The following FBXO41 variants were observed in gnomAD, a reference collection of about 807,000 sequenced individuals.
FBXO41 encodes F-box only protein 41.
In FBXO41, 33 loss-of-function variants were observed where a neutral mutation model predicts 81.6. The observed-to-expected ratio is 0.40, with a 90% CI of 0.31 to 0.54. The LOEUF (loss-of-function observed/expected upper bound fraction) is 0.54. FBXO41 is among the 20% of genes least tolerant of loss of function. The pLI is 0.39. For synonymous variants in FBXO41, 576 were observed against 552.7 expected (o/e 1.04, Z -0.59); for missense variants, 1,107 against 1,236.0 (o/e 0.90, Z 1.56).
In FBXO41 at chr2:73,259,038, G is replaced by A. The variant is rs1687916442; in HGVS notation, c.2572C>T (p.Arg858Ter). ...EDMVTKLQALRRRPGFSKILH... is the reference protein window; with the variant it reads ...EDMVTKLQAL ...ATCTTAGAGAAGCCGGGCCTCCGTC[G>A]CAGAGCCTGCGGACCGAACCCTGGG... Residue 858 changes from arginine (R) to a stop codon, truncating the protein, a stop_gained, in exon 13 of 13, where the codon CGA (arginine) becomes TGA (stop). Coordinates refer to ENST00000520530, the MANE Select transcript of FBXO41 (RefSeq NM_001371389.2). LOFTEE classifies it high-confidence loss of function. The surrounding 1 kb of genome is among the most constrained non-coding windows in gnomAD (Gnocchi z 4.2). The A allele has an allele frequency of 2.5e-6, 4 of 1,602,230 alleles. No homozygotes were observed. The highest frequency in any genetic ancestry group is 3.4e-6 in the Non-Finnish European group (4 of 1,174,426).
At position 73,260,369 on chromosome 2, in the gene FBXO41, C is replaced by G. The variant is rs1195764720; in HGVS notation, c.2449+20G>C. 1 of 1,609,020 alleles carries G rather than the reference C, an allele frequency of 6.2e-7. No individual in the cohort carries two copies. The highest frequency in any genetic ancestry group is 8.5e-7 in the Non-Finnish European group (1 of 1,176,926). Reference sequence around the variant, plus strand: ...GGCAGGTGATAGTCGTACCCTGCCCCTCATTCCCCCAGTGCTCACTGTTGA... The same window carrying G: ...GGCAGGTGATAGTCGTACCCTGCCCGTCATTCCCCCAGTGCTCACTGTTGA... On this transcript the variant is annotated intron_variant, in intron 11 of 12. Transcript: ENST00000520530. This position sits in a 1 kb window ranked among gnomAD's most constrained non-coding sequence, Gnocchi z 5.0.
Position 73,260,743 on chromosome 2 carries a change from G to T in FBXO41, c.2287C>A (p.Leu763Ile), listed in dbSNP as rs1296917171. 1 of 1,546,606 alleles carries T rather than the reference G, an allele frequency of 6.5e-7. No homozygotes were observed. Among genetic ancestry groups the T allele is most frequent in the South Asian group, 1.2e-5 (1 of 83,656 alleles). Residue 763 changes from leucine to isoleucine, a missense_variant, in exon 10 of 13, where the codon CTC becomes ATC. By Grantham distance (5) the Leu-to-Ile change is conservative. Around this residue, in one of 2 missense-constraint regions of FBXO41, gnomAD observed 336 missense variants for 446.7 expected, o/e 0.75. Transcript: ENST00000520530. This position sits in a 1 kb window ranked among gnomAD's most constrained non-coding sequence, Gnocchi z 5.0. ...CCCAGTCCAAGGAAAGACTCACCGA[G>T]TGATGCCAGGCCCTGCACCCCACAG... ...AGCGVQGLASLARNCMRLQVL... is the reference protein window; with the variant it reads ...AGCGVQGLASIARNCMRLQVL...
chr2:73,260,959 C>T lies in FBXO41; in HGVS notation c.2172-101G>A. 1 of 932,750 alleles carries T rather than the reference C, an allele frequency of 1.1e-6. No individual in the cohort carries two copies. The highest frequency in any genetic ancestry group is 2.7e-5 in the East Asian group (1 of 37,654). 57.8% of individuals were successfully genotyped at this position (932,750 alleles called of 1,614,324 possible). On this transcript the variant is annotated intron_variant, in intron 9 of 12. Transcript: ENST00000520530. This position sits in a 1 kb window ranked among gnomAD's most constrained non-coding sequence, Gnocchi z 5.0. ...CCCTCCCTGACTCAGGCAAGCATTC[C>T]TCCAACAACCCAGCAGGTCAAGTCA...
intron 1 of FBXO41, among the ~76,000 whole-genome samples, chr2:73,270,271 T>C (rs1236837732): frequency 6.6e-6 from 1 of 152,142 alleles, no homozygotes; most frequent in Admixed American, 6.5e-5. Context: ...CTACATGGAC[T>C]AGGAAGGGGC....
At chr2:73,261,649 A>T (rs939704959) in intron 9 of FBXO41, among the ~76,000 whole-genome samples, 2 of 152,198 alleles carry the variant, frequency 1.3e-5, no homozygotes, top group African/African-American at 4.8e-5. Flanking sequence ...TCCCTTTCTT[A>T]AAATCTAAAA....
intron 2 of FBXO41, among the ~76,000 whole-genome samples, chr2:73,267,523 C>G (rs1688314262): frequency 6.6e-6 from 1 of 152,234 alleles, no homozygotes; most frequent in Non-Finnish European, 1.5e-5. Context: ...TGAACACCCT[C>G]TAGGTGCCAG....
At chr2:73,265,190 G>A (rs1057478280) in intron 5 of FBXO41, 92 bp downstream of exon 5, 120 of 1,254,392 alleles carry the variant, frequency 9.6e-5, no homozygotes, top group Non-Finnish European at 1.0e-4. Flanking sequence ...AGGAGGGGTG[G>A]GCAAGTCTGG....
intron 1 of FBXO41, among the ~76,000 whole-genome samples, chr2:73,278,266 T>C (rs1688751027): frequency 6.6e-6 from 1 of 152,222 alleles, no homozygotes; most frequent in Non-Finnish European, 1.5e-5. Flanking sequence ...ACCACATCTG[T>C]GAGGACCTAG....
At chr2:73,278,564 G>A (rs1206666773) in intron 1 of FBXO41, among the ~76,000 whole-genome samples, 1 of 152,236 alleles carries the variant, frequency 6.6e-6, no homozygotes, top group African/African-American at 2.4e-5. Context: ...CAAACAGTTT[G>A]TTGTCTCCCA....
chr2:73,264,239 G>C, intron 6 of FBXO41, 39 bp downstream of exon 6: 1 of 1,611,958 alleles, frequency 6.2e-7, no homozygotes, highest in Non-Finnish European at 8.5e-7. Context: ...GGAAAGGTGG[G>C]TTCACAGCAG....
chr2:73,264,605 T>C, intron 5 of FBXO41, 86 bp from the exon 6 acceptor site: 1 of 1,563,264 alleles, frequency 6.4e-7, no homozygotes. Context: ...CAGGGTAGGA[T>C]CTGCAGAGGA....
Position 73,284,228 on chromosome 2 carries a change from C to T in FBXO41, c.-207G>A, listed in dbSNP as rs1002645858. 6.6e-6 allele frequency: 1 copy of T among 152,214 alleles called. No individual in the cohort carries two copies. Among genetic ancestry groups the T allele is most frequent in the Non-Finnish European group, 1.5e-5 (1 of 68,084 alleles). The allele number at this position is 152,214 out of a possible 1,614,324, so 9.4% of individuals were successfully genotyped here. ...GGGGACGCAGAAGAGCCCCCGCGTGCCCGGTCCAGACGCAGGGCCGCCTTG... is the reference window on the plus strand; with the variant it reads ...GGGGACGCAGAAGAGCCCCCGCGTGTCCGGTCCAGACGCAGGGCCGCCTTG... On this transcript the variant is annotated 5_prime_UTR_variant, in exon 1 of 13. Transcript: ENST00000520530. This position sits in a 1 kb window ranked among gnomAD's most constrained non-coding sequence, Gnocchi z 7.4.
intron 1 of FBXO41, chr2:73,270,939 C>G: frequency 1.9e-6 from 1 of 533,138 alleles, no homozygotes; most frequent in Non-Finnish European, 3.9e-6. Context: ...CTACTTGGTC[C>G]CATGGCCGAT....
In FBXO41 at chr2:73,263,800, C is replaced by G; in HGVS notation, c.1953G>C (p.Leu651=). The G allele has an allele frequency of 1.2e-6, 2 of 1,614,058 alleles. No homozygotes were observed. Among genetic ancestry groups the G allele is most frequent in the Non-Finnish European group, 1.7e-6 (2 of 1,179,896 alleles). Residue 651 remains leucine, a synonymous_variant, in exon 8 of 13, where the codon CTG becomes CTC. Coordinates refer to ENST00000520530, the MANE Select transcript of FBXO41 (RefSeq NM_001371389.2). The part of the protein sequence containing the change: ...RGCLEAGLES[L]LKAAGGNLLI... ...GCAGGTTCCCCCCAGCTGCCTTCAGCAGGGACTCCAGCCCAGCTTCCAGGC... is the reference window on the plus strand; with the variant it reads ...GCAGGTTCCCCCCAGCTGCCTTCAGGAGGGACTCCAGCCCAGCTTCCAGGC...
chr2:73,278,249 A>G (rs1015512669), intron 1 of FBXO41, among the ~76,000 whole-genome samples: 6 of 152,220 alleles, frequency 3.9e-5, no homozygotes, highest in African/African-American at 1.4e-4. Flanking sequence ...AGAGCTGTAA[A>G]GTCCTCACCA....
rs1332343877 is a variant in FBXO41 at position 73,263,300 on chromosome 2, G to A, written c.2084C>T (p.Thr695Ile). 9 of 1,530,796 alleles carry A rather than the reference G, an allele frequency of 5.9e-6. No homozygotes were observed. In the African/African-American group the frequency reaches 8.3e-5, roughly 14 times the overall value. The allele number at this position is 1,530,796 out of a possible 1,614,324, so 94.8% of individuals were successfully genotyped here. The change falls in exon 9 of 13, where the codon ACA becomes ATA. Residue 695 changes from threonine (T) to isoleucine (I), a missense_variant. Thr to Ile is a moderately conservative substitution (Grantham distance 89, BLOSUM62 -1). This residue lies in a region of FBXO41 where 336 missense variants were observed against 446.7 expected (regional missense o/e 0.75). Transcript: ENST00000520530. Reference sequence around the variant, plus strand: ...AATGACCTCATGGCCCACGGGGTCTGTGGCACTCCTGTGAAAAGACAAAGC... The same window carrying A: ...AATGACCTCATGGCCCACGGGGTCTATGGCACTCCTGTGAAAAGACAAAGC... ...ALQAVTYRSA[T>I]DPVGHEVIWA...
At position 73,266,223 on chromosome 2, in the gene FBXO41, A is replaced by AGATAGCCCCCGAGGGCT. The variant is rs1688269983; in HGVS notation, c.1131+217_1131+233dup. 6.6e-6 allele frequency among the ~76,000 whole-genome samples: 1 copy of AGATAGCCCCCGAGGGCT among 152,150 alleles called. No individual in the cohort carries two copies. The highest frequency in any genetic ancestry group is 1.5e-5 in the Non-Finnish European group (1 of 68,012). ...GACTCTCATTTGCAGGGATGGGCAG[A>AGATAGCCCCCGAGGGCT]GATAGCCCCCGAGGGCTGGGGCCAC... On this transcript the variant is annotated intron_variant, in intron 3 of 12. Coordinates refer to ENST00000520530, the MANE Select transcript of FBXO41 (RefSeq NM_001371389.2). The surrounding 1 kb of genome is among the most constrained non-coding windows in gnomAD (Gnocchi z 5.3).
chr2:73,265,432 G>A lies in FBXO41; in HGVS notation c.1414C>T (p.Arg472Cys), dbSNP rs370031029. 110 of 1,607,560 alleles carry A rather than the reference G, an allele frequency of 6.8e-5. No individual in the cohort carries two copies. The highest frequency in any genetic ancestry group is 1.6e-4 in the Middle Eastern group (1 of 6,076). ...TCAGTGCTGTGTCGGCGGGGTCTGC[G>A]CTGCCAGTTCTGGATGGCCTGGCGC... ...LRRQAIQNWQRRPRRHSTEGE... is the reference protein window; with the variant it reads ...LRRQAIQNWQCRPRRHSTEGE... The change falls in exon 5 of 13, where the codon CGC becomes TGC. Residue 472 changes from arginine to cysteine, a missense_variant. Physicochemically the swap from Arg to Cys is radical, Grantham distance 180. This residue lies in a region of FBXO41 where 771 missense variants were observed against 789.2 expected (regional missense o/e 0.98). Transcript: ENST00000520530.
At position 73,266,024 on chromosome 2, in the gene FBXO41, C is replaced by A; in HGVS notation, c.1132-58G>T. 1 of 1,455,984 alleles carries A rather than the reference C, an allele frequency of 6.9e-7. No individual in the cohort carries two copies. 90.2% of individuals were successfully genotyped at this position (1,455,984 alleles called of 1,614,324 possible). A position where few individuals can be genotyped will look rare whatever the true frequency, so the allele number is the denominator to read the frequency against. Reference sequence around the variant, plus strand: ...GGGGCGGAGGAGGCAAGAGGATGAGCAGGAATAGCAGGGGAAACAGGGCAA... The same window carrying A: ...GGGGCGGAGGAGGCAAGAGGATGAGAAGGAATAGCAGGGGAAACAGGGCAA... On this transcript the variant is annotated intron_variant, in intron 3 of 12. Transcript: ENST00000520530. The surrounding 1 kb of genome is among the most constrained non-coding windows in gnomAD (Gnocchi z 5.3).
Sources: allele counts gnomAD v4.1 joint callset (sites outside exome capture counted in the v4.1 genomes callset), GRCh38; gene constraint gnomAD v4.1.1; regional missense constraint gnomAD v4.1.1; non-coding constraint Gnocchi (gnomAD v3.1); transcripts MANE v1.5; gene names NCBI Gene and HGNC (gene_info 2026-07-23, HGNC 2026-07-21).